The following ATP4A variants were observed in gnomAD, a reference collection of about 807,000 sequenced individuals.
The protein encoded by ATP4A is potassium-transporting ATPase alpha chain 1.
In ATP4A, 73 loss-of-function variants were observed where a neutral mutation model predicts 112.1. The ratio of observed to expected loss-of-function variants is 0.65; its 90% CI spans 0.54 to 0.79. The LOEUF is 0.79. ATP4A is among the 30% of genes least tolerant of loss of function. The pLI is 0.00. For synonymous variants in ATP4A, 588 were observed against 588.9 expected (o/e 1.00, Z 0.02); for missense variants, 1,081 against 1,425.9 (o/e 0.76, Z 3.90).
Position 35,558,922 on chromosome 19 carries a change from C to G in ATP4A, c.1255+71G>C. ...CCTTCGTACAAAGCCCTCCCTACCT[C>G]CCTATCCCTCTTCAGGTCTCCACCA... is the stretch of plus-strand genomic sequence containing the variant. On this transcript the variant is annotated intron_variant, in intron 8 of 21. Coordinates refer to ENST00000262623, the MANE Select transcript of ATP4A (RefSeq NM_000704.3). The surrounding 1 kb of genome is among the most constrained non-coding windows in gnomAD (Gnocchi z 5.1). 1 of 1,576,160 alleles carries G rather than the reference C, an allele frequency of 6.3e-7. No homozygotes were observed. Among genetic ancestry groups the G allele is most frequent in the Non-Finnish European group, 8.7e-7 (1 of 1,150,570 alleles).
chr19:35,559,253 C>A lies in ATP4A; in HGVS notation c.1057-62G>T. ...CCCTGGCTTCCAGTCCTCTTCCCCGCGTCAAAGAACGGGGAAGGCTTTACC... is the reference window on the plus strand; with the variant it reads ...CCCTGGCTTCCAGTCCTCTTCCCCGAGTCAAAGAACGGGGAAGGCTTTACC... On this transcript the variant is annotated intron_variant, in intron 7 of 21. Coordinates refer to ENST00000262623, the MANE Select transcript of ATP4A (RefSeq NM_000704.3). The surrounding 1 kb of genome is among the most constrained non-coding windows in gnomAD (Gnocchi z 4.1). 1 of 1,547,060 alleles carries A rather than the reference C, an allele frequency of 6.5e-7. No homozygotes were observed. The highest frequency in any genetic ancestry group is 8.9e-7 in the Non-Finnish European group (1 of 1,126,782).
rs749899247 is a variant in ATP4A, at chr19:35,551,041, T to C, written c.2956A>G (p.Met986Val). 6.2e-7 allele frequency: 1 copy of C among 1,613,980 alleles called. No homozygotes were observed. Among genetic ancestry groups the C allele is most frequent in the South Asian group, 1.1e-5 (1 of 91,052 alleles). ...GGCATGAAGTTGAAGATGTTGGGCATGCCGGGGCAGTAGCACAGGAAGCAG... is the reference window on the plus strand; with the variant it reads ...GGCATGAAGTTGAAGATGTTGGGCACGCCGGGGCAGTAGCACAGGAAGCAG... Reference protein sequence around the residue: ...IGCFLCYCPGMPNIFNFMPIR... With the variant: ...IGCFLCYCPGVPNIFNFMPIR... Residue 986 changes from methionine to valine, a missense_variant, in exon 20 of 22, where the codon ATG becomes GTG. By Grantham distance (21) the Met-to-Val change is conservative. Transcript: ENST00000262623. The surrounding 1 kb of genome is among the most constrained non-coding windows in gnomAD (Gnocchi z 5.2).
At chr19:35,561,973 A>AAAT (rs748293473) in intron 4 of ATP4A, among the ~76,000 whole-genome samples, 1 of 149,452 alleles carries the variant, frequency 6.7e-6, no homozygotes, top group Non-Finnish European at 1.5e-5. Flanking sequence ...CTCCTGCCTC[A>AAAT]GCCTCCCAAG....
intron 2 of ATP4A, 26 bp from the exon 3 acceptor site, chr19:35,563,294 C>T (rs750407147): frequency 1.2e-6 from 2 of 1,613,816 alleles, no homozygotes; most frequent in South Asian, 2.2e-5. Flanking sequence ...GGGCAGGGTG[C>T]TTGCTCTGGG....
chr19:35,553,186 G>A lies in ATP4A; in HGVS notation c.2606-4C>T, dbSNP rs1460929091. On this transcript the variant is annotated splice_polypyrimidine_tract_variant and splice_region_variant and intron_variant, in intron 17 of 21. Transcript: ENST00000262623. ...CCAGCAAAGGACTGAATGGCACCTG[G>A]AGAGAGACAAGGGGACACAGGGAGA... 6.3e-7 allele frequency: 1 copy of A among 1,592,336 alleles called. No individual in the cohort carries two copies. Among genetic ancestry groups the A allele is most frequent in the Non-Finnish European group, 8.6e-7 (1 of 1,162,728 alleles).
Position 35,562,451 on chromosome 19 carries a change from A to G in ATP4A, c.404T>C (p.Leu135Pro). The change falls in exon 4 of 22, where the codon CTC (leucine) becomes CCC (proline). Residue 135 changes from leucine (L) to proline (P), a missense_variant. Physicochemically the swap from Leu to Pro is moderately conservative, Grantham distance 98. Around this residue, in one of 3 missense-constraint regions of ATP4A, gnomAD observed 850 missense variants for 1,068.2 expected, o/e 0.80. Coordinates refer to ENST00000262623, the MANE Select transcript of ATP4A (RefSeq NM_000704.3). ...AFAIQASEGDLTTDDNLYLAI... is the reference protein window; with the variant it reads ...AFAIQASEGDPTTDDNLYLAI... ...ATGGCTCACATTGTCGTCGGTGGTG[A>G]GGTCCCCCTCACTAGCCTGGATGGC... 1 of 1,613,880 alleles carries G rather than the reference A, an allele frequency of 6.2e-7. No individual in the cohort carries two copies. The highest frequency in any genetic ancestry group is 1.1e-5 in the South Asian group (1 of 91,028).
Position 35,551,594 on chromosome 19 carries a change from G to A in ATP4A, c.2752-14C>T, listed in dbSNP as rs1242607431. 6.2e-7 allele frequency: 1 copy of A among 1,608,938 alleles called. No homozygotes were observed. Among genetic ancestry groups the A allele is most frequent in the Non-Finnish European group, 8.5e-7 (1 of 1,177,662 alleles). On this transcript the variant is annotated splice_polypyrimidine_tract_variant and intron_variant, in intron 18 of 21. Transcript: ENST00000262623. The surrounding 1 kb of genome is among the most constrained non-coding windows in gnomAD (Gnocchi z 5.2). ...CTGCCCGAATGTCTGCAGGCCAGGG[G>A]CAAACGGAAACAGCCTGAGTCCAGC...
chr19:35,560,480 C>G lies in ATP4A; in HGVS notation c.670G>C (p.Val224Leu). ...TCCCCTGTCAGCGAGGAGTTGTCCA[C>G]CTTGCAGCCCTGGGCCGCCAGGATG... ...IRILAAQGCK[V>L]DNSSLTGESE... is the part of the protein sequence containing the mutation. Residue 224 changes from valine (V) to leucine (L), a missense_variant, in exon 6 of 22, where the codon GTG becomes CTG. This residue lies in a region of ATP4A where 850 missense variants were observed against 1,068.2 expected (regional missense o/e 0.80). Transcript: ENST00000262623. This position sits in a 1 kb window ranked among gnomAD's most constrained non-coding sequence, Gnocchi z 5.1. 2 of 1,613,694 alleles carry G rather than the reference C, an allele frequency of 1.2e-6. No individual in the cohort carries two copies. Among genetic ancestry groups the G allele is most frequent in the Non-Finnish European group, 8.5e-7 (1 of 1,180,018 alleles).
At position 35,559,428 on chromosome 19, in the gene ATP4A, G is replaced by A. The variant is rs575956731; in HGVS notation, c.1057-237C>T. Among the ~76,000 whole-genome samples, 37 of 152,344 alleles carry A rather than the reference G, an allele frequency of 2.4e-4. No homozygotes were observed. The highest frequency in any genetic ancestry group is 9.1e-4 in the Admixed American group (14 of 15,306). On this transcript the variant is annotated intron_variant, in intron 7 of 21. Coordinates refer to ENST00000262623, the MANE Select transcript of ATP4A (RefSeq NM_000704.3). The surrounding 1 kb of genome is among the most constrained non-coding windows in gnomAD (Gnocchi z 4.1). ...GGCCCCTCTCTGAGCTGTCCCAGCC[G>A]AGGTTCTGAAAATTCTCTTCACACA... is the stretch of plus-strand genomic sequence containing the variant.
At position 35,550,069 on chromosome 19, in the gene ATP4A, A is replaced by C. The variant is rs917266025; in HGVS notation, c.*546T>G. On this transcript the variant is annotated 3_prime_UTR_variant, in exon 22 of 22. Transcript: ENST00000262623. This position sits in a 1 kb window ranked among gnomAD's most constrained non-coding sequence, Gnocchi z 4.1. Reference sequence around the variant, plus strand: ...CCCAAGGCAGGTTTATTGAGGACCTACTATGTGCCAGGCTGTGTACTAGGC... The same window carrying C: ...CCCAAGGCAGGTTTATTGAGGACCTCCTATGTGCCAGGCTGTGTACTAGGC... 1 of 160,920 alleles carries C rather than the reference A, an allele frequency of 6.2e-6. No individual in the cohort carries two copies. The highest frequency in any genetic ancestry group is 2.4e-5 in the African/African-American group (1 of 41,480). The allele number at this position is 160,920 out of a possible 1,614,324, so 10.0% of individuals were successfully genotyped here.
At chr19:35,561,726 G>A (rs546395082) in intron 4 of ATP4A, among the ~76,000 whole-genome samples, 237 of 151,796 alleles carry the variant, frequency 1.6e-3, no homozygotes, top group African/African-American at 5.2e-3. Context: ...TCTATGTGCT[G>A]TGTCCTGAGG....
At position 35,557,060 on chromosome 19, in the gene ATP4A, C is replaced by T. The variant is rs1203311848; in HGVS notation, c.1722G>A (p.Lys574=). The T allele has an allele frequency of 2.5e-6, 4 of 1,614,044 alleles. No individual in the cohort carries two copies. The African/African-American group carries it at 4.0e-5, about 16-fold the overall frequency. The change falls in exon 12 of 22, where the codon AAG becomes AAA. Residue 574 remains lysine (K), a synonymous_variant. Transcript: ENST00000262623. The surrounding 1 kb of genome is among the most constrained non-coding windows in gnomAD (Gnocchi z 4.4). ...LGFCQLYLNE[K]DYPPGYAFDV... Reference sequence around the variant, plus strand: ...CGAAGGCATAGCCAGGCGGGTAGTCCTTCTCATTCAGGTAGAGCTGGCAGA... The same window carrying T: ...CGAAGGCATAGCCAGGCGGGTAGTCTTTCTCATTCAGGTAGAGCTGGCAGA...
Position 35,555,191 on chromosome 19 carries a change from G to A in ATP4A, c.2301C>T (p.Ala767=). The A allele has an allele frequency of 6.2e-7, 1 of 1,614,158 alleles. No homozygotes were observed. Among genetic ancestry groups the A allele is most frequent in the Non-Finnish European group, 8.5e-7 (1 of 1,180,024 alleles). The change falls in exon 15 of 22, where the codon GCC becomes GCT. Residue 767 remains alanine (A), a synonymous_variant. Transcript: ENST00000262623. This position sits in a 1 kb window ranked among gnomAD's most constrained non-coding sequence, Gnocchi z 6.6. ...CCTGCTCCACGCCTGTCACAATGGA[G>A]GCAAAGTTGTCATCCAGCAGGATCA... ...ADMILLDDNF[A]SIVTGVEQGR... is the part of the protein sequence containing the mutation.
intron 17 of ATP4A, 53 bp from the exon 18 acceptor site, chr19:35,553,235 A>G: frequency 3.2e-6 from 5 of 1,554,162 alleles, no homozygotes; most frequent in South Asian, 1.2e-5. Context: ...AGAGACAGGG[A>G]CACAGGAAGA....
In ATP4A at chr19:35,555,436, T is replaced by A; in HGVS notation, c.2157+4A>T. ...GCCTGCCCACCCTCATCAGCAGGGC[T>A]CACCAGCCGCTGGCAGCTCTCCACG... On this transcript the variant is annotated splice_donor_region_variant and intron_variant, in intron 14 of 21. Coordinates refer to ENST00000262623, the MANE Select transcript of ATP4A (RefSeq NM_000704.3). This position sits in a 1 kb window ranked among gnomAD's most constrained non-coding sequence, Gnocchi z 6.6. 1.2e-6 allele frequency: 2 copies of A among 1,610,772 alleles called. No individual in the cohort carries two copies. Among genetic ancestry groups the A allele is most frequent in the Non-Finnish European group, 1.7e-6 (2 of 1,178,276 alleles).
At position 35,560,421 on chromosome 19, in the gene ATP4A, C is replaced by T. The variant is rs776532274; in HGVS notation, c.729G>A (p.Thr243=). Residue 243 remains threonine (T), a synonymous_variant, in exon 6 of 22, where the codon ACG becomes ACA. Transcript: ENST00000262623. The surrounding 1 kb of genome is among the most constrained non-coding windows in gnomAD (Gnocchi z 5.1). ...SEPQTRSPEC[T]HESPLETRNI... Reference sequence around the variant, plus strand: ...TGCGGGTCTCCAGAGGGCTCTCGTGCGTGCACTCGGGTGAGCGGGTCTGTG... The same window carrying T: ...TGCGGGTCTCCAGAGGGCTCTCGTGTGTGCACTCGGGTGAGCGGGTCTGTG... The T allele has an allele frequency of 5.0e-6, 8 of 1,613,938 alleles. No individual in the cohort carries two copies. The East Asian group carries it at 8.9e-5, about 18-fold the overall frequency.
chr19:35,560,710 TG>T lies in ATP4A; in HGVS notation c.535-96del. On this transcript the variant is annotated intron_variant, in intron 5 of 21. Transcript: ENST00000262623. This position sits in a 1 kb window ranked among gnomAD's most constrained non-coding sequence, Gnocchi z 5.1. ...AAAGGATGAGGAGAGCTGGGACCCA[TG>T]GGGAGAGATGGAGGCCACAGATGAG... The T allele has an allele frequency of 6.3e-6, 10 of 1,581,058 alleles. No individual in the cohort carries two copies. The highest frequency in any genetic ancestry group is 8.7e-6 in the Non-Finnish European group (10 of 1,154,272).
chr19:35,556,896 T>G lies in ATP4A; in HGVS notation c.1869+17A>C, dbSNP rs2071633854. ...CCTCTGTCCTCACTCCACTTGTTCC[T>G]CCCCACAGTGGCATACCCGGATGCC... On this transcript the variant is annotated intron_variant, in intron 12 of 21. Coordinates refer to ENST00000262623, the MANE Select transcript of ATP4A (RefSeq NM_000704.3). 4 of 1,608,202 alleles carry G rather than the reference T, an allele frequency of 2.5e-6. No homozygotes were observed. The highest frequency in any genetic ancestry group is 3.4e-6 in the Non-Finnish European group (4 of 1,175,478).
chr19:35,562,759 C>G (rs1599575971), intron 3 of ATP4A, 121 bp from the exon 4 acceptor site: 2 of 999,898 alleles, frequency 2.0e-6, no homozygotes, highest in East Asian at 5.3e-5. Flanking sequence ...CTTCTCATCT[C>G]TTTGTCTCTT....
Sources: gnomAD v4.1 joint callset for allele counts (sites outside exome capture counted in the v4.1 genomes callset) on GRCh38, gnomAD v4.1.1 for gene constraint, gnomAD v4.1.1 regional missense constraint, Gnocchi (gnomAD v3.1) non-coding constraint, MANE v1.5 for transcripts, NCBI Gene and HGNC (gene_info 2026-07-23, HGNC 2026-07-21) for gene names.